Variants in SMIM10L3 observed in about 807,000 individuals in gnomAD.
The protein encoded by SMIM10L3 is small integral membrane protein 10 like 3.
At chr7:6,336,462 C>T in the SMIM10L3 span, among the ~76,000 whole-genome samples, 1 of 152,126 alleles carries the variant, frequency 6.6e-6, no homozygotes, top group Non-Finnish European at 1.5e-5. Flanking sequence ...AGGCAGATCT[C>T]TTGAGGTCAG....
the SMIM10L3 span, among the ~76,000 whole-genome samples, chr7:6,336,591 C>T: frequency 6.6e-5 from 10 of 150,618 alleles, no homozygotes; most frequent in South Asian, 4.2e-4. Context: ...GGCTGAGACA[C>T]GAGAATCACT....
chr7:6,340,380 G>A, the SMIM10L3 span, among the ~76,000 whole-genome samples: 81 of 152,246 alleles, frequency 5.3e-4, no homozygotes, highest in African/African-American at 1.8e-3. Context: ...GGTGGAGGAC[G>A]GAGAAGCGAC....
chr7:6,331,267 A>G, the SMIM10L3 span: 3 of 1,032,442 alleles, frequency 2.9e-6, no homozygotes, highest in Non-Finnish European at 4.2e-6. Flanking sequence ...AAGTTCTAAA[A>G]TGAAGACACA....
At chr7:6,341,457 A>AT in the SMIM10L3 span, among the ~76,000 whole-genome samples, 124 of 139,822 alleles carry the variant, frequency 8.9e-4, 2 homozygotes, top group South Asian at 0.014. Context: ...AATAATAATA[A>AT]TAATTATTAT....
chr7:6,337,709 GAATA>G, the SMIM10L3 span, among the ~76,000 whole-genome samples: 1 of 151,568 alleles, frequency 6.6e-6, no homozygotes, highest in Non-Finnish European at 1.5e-5. Flanking sequence ...AATCATGATA[GAATA>G]AATTGTCCCC....
chr7:6,330,411 T>C, the SMIM10L3 span: 10 of 1,613,860 alleles, frequency 6.2e-6, no homozygotes, highest in Middle Eastern at 1.6e-4. Context: ...ATTCAAAAGG[T>C]TGCAGAGCCA....
the SMIM10L3 span, among the ~76,000 whole-genome samples, chr7:6,345,417 C>T: frequency 6.6e-6 from 1 of 151,970 alleles, no homozygotes; most frequent in African/African-American, 2.4e-5. Context: ...ACCCAGCCCT[C>T]GATCTGATTT....
chr7:6,340,068 A>T, the SMIM10L3 span, among the ~76,000 whole-genome samples: 2 of 151,796 alleles, frequency 1.3e-5, no homozygotes, highest in Non-Finnish European at 2.9e-5. Flanking sequence ...TATTTTTAGT[A>T]GAGATGGGGT....
At chr7:6,332,726 C>T in the SMIM10L3 span, among the ~76,000 whole-genome samples, 3 of 152,066 alleles carry the variant, frequency 2.0e-5, no homozygotes, top group Non-Finnish European at 4.4e-5. Flanking sequence ...AATTAAAGAG[C>T]AGCAACACTG....
the SMIM10L3 span, among the ~76,000 whole-genome samples, chr7:6,341,039 G>A: frequency 6.6e-6 from 1 of 151,334 alleles, no homozygotes; most frequent in East Asian, 1.9e-4. Context: ...AGCTACTCGG[G>A]AGGCTGAGGC....
At chr7:6,333,168 C>CAAAAAAAAAAAACA in the SMIM10L3 span, among the ~76,000 whole-genome samples, 1 of 127,998 alleles carries the variant, frequency 7.8e-6, no homozygotes. Flanking sequence ...ATAAAAAAAT[C>CAAAAAAAAAAAACA]AAAAAAAAAA....
chr7:6,330,495 A>C, the SMIM10L3 span: 1 of 1,614,046 alleles, frequency 6.2e-7, no homozygotes, highest in African/African-American at 1.3e-5. Flanking sequence ...TTTGCTTTGA[A>C]AACATGGGCT....
At chr7:6,336,225 A>G in the SMIM10L3 span, among the ~76,000 whole-genome samples, 1 of 151,640 alleles carries the variant, frequency 6.6e-6, no homozygotes, top group East Asian at 1.9e-4. Context: ...GCACACCTGT[A>G]GTCCCAGTCA....
the SMIM10L3 span, among the ~76,000 whole-genome samples, chr7:6,343,692 T>A: frequency 6.6e-6 from 1 of 152,030 alleles, no homozygotes; most frequent in Non-Finnish European, 1.5e-5. Context: ...ATAACCATTC[T>A]CAGTATACAA....
the SMIM10L3 span, chr7:6,348,760 T>C: frequency 2.8e-5 from 11 of 399,858 alleles, no homozygotes; most frequent in Admixed American, 8.8e-5. Flanking sequence ...CGCCGCCATA[T>C]AGAGACCGGC....
chr7:6,337,122 A>G, the SMIM10L3 span, among the ~76,000 whole-genome samples: 2 of 149,854 alleles, frequency 1.3e-5, no homozygotes, highest in African/African-American at 4.9e-5. Flanking sequence ...CCCAGGCTGG[A>G]GTGCAGTGGC....
the SMIM10L3 span, among the ~76,000 whole-genome samples, chr7:6,348,135 C>G: frequency 5.9e-5 from 9 of 151,520 alleles, no homozygotes; most frequent in Non-Finnish European, 1.2e-4. Context: ...GTCTCGAACT[C>G]CTGACCTCAG....
chr7:6,347,490 T>C, the SMIM10L3 span, among the ~76,000 whole-genome samples: 3 of 151,344 alleles, frequency 2.0e-5, no homozygotes, highest in African/African-American at 4.9e-5. Context: ...CACTCCAGCT[T>C]GGGCAAGAGT....
chr7:6,329,991 A>G, the SMIM10L3 span: 2 of 220,574 alleles, frequency 9.1e-6, no homozygotes, highest in East Asian at 2.7e-4. Context: ...AGACTTTACA[A>G]GTATCCACTT....
Sources: allele counts gnomAD v4.1 joint callset (sites outside exome capture counted in the v4.1 genomes callset), GRCh38; gene constraint gnomAD v4.1.1; transcripts MANE v1.5; gene names NCBI Gene and HGNC (gene_info 2026-07-23, HGNC 2026-07-21).